PTK2: variants seen among roughly 807,000 people sequenced by gnomAD.
The protein encoded by PTK2 is focal adhesion kinase 1.
Under a neutral mutation model 150.1 loss-of-function variants are expected in PTK2, and 45 were observed. That is an observed-to-expected ratio of 0.30 (90% CI 0.24 to 0.38). PTK2 has a LOEUF of 0.38. PTK2 is among the 10% of genes least tolerant of loss of function. The pLI, the probability that PTK2 is intolerant of heterozygous loss-of-function variation, is 1.00. For synonymous variants in PTK2, 432 were observed against 449.2 expected (o/e 0.96, Z 0.48); for missense variants, 919 against 1,307.3 (o/e 0.70, Z 4.58).
chr8:140,750,670 C>T (rs1190591150), intron 17 of PTK2, among the ~76,000 whole-genome samples: 6 of 152,144 alleles, frequency 3.9e-5, no homozygotes, highest in African/African-American at 7.2e-5. Context: ...TTGATGTGGA[C>T]AAGATCCTTG....
At chr8:141,001,897 G>C (rs2100200338), upstream of PTK2, 1 of 152,250 alleles carries the variant, frequency 6.6e-6, no homozygotes, top group African/African-American at 2.4e-5. Context: ...GCCATTATTT[G>C]ATTTTGGAAG....
chr8:140,791,150 T>G (rs1452774439), intron 13 of PTK2, among the ~76,000 whole-genome samples: 3 of 152,182 alleles, frequency 2.0e-5, no homozygotes, highest in African/African-American at 7.2e-5. Context: ...CATACCTATG[T>G]TCATGATTCC....
At chr8:140,957,359 G>T (rs1258540854) in intron 1 of PTK2, among the ~76,000 whole-genome samples, 1 of 152,056 alleles carries the variant, frequency 6.6e-6, no homozygotes, top group South Asian at 2.1e-4. Context: ...GCCCGGGAAG[G>T]GGCTCACATT....
At chr8:140,672,072 T>A in intron 29 of PTK2, 1 of 417,334 alleles carries the variant, frequency 2.4e-6, no homozygotes. Flanking sequence ...TTCATAATGA[T>A]GTCAGAATTC....
intron 8 of PTK2, among the ~76,000 whole-genome samples, chr8:140,829,522 T>A (rs981349789): frequency 9.2e-5 from 14 of 152,230 alleles, no homozygotes; most frequent in African/African-American, 3.1e-4. Flanking sequence ...AAATGGATTT[T>A]ATCCCCATTT....
chr8:140,921,418 C>A (rs538139040), intron 2 of PTK2, among the ~76,000 whole-genome samples: 5 of 152,186 alleles, frequency 3.3e-5, no homozygotes, highest in Non-Finnish European at 7.4e-5. Flanking sequence ...CTGTAGATGG[C>A]TTCTCAAACC....
chr8:140,792,024 G>C (rs1467139348), intron 13 of PTK2, among the ~76,000 whole-genome samples: 2 of 152,276 alleles, frequency 1.3e-5, no homozygotes, highest in South Asian at 2.1e-4. Flanking sequence ...ACAGAGCACG[G>C]ACAGGCTAAG....
chr8:140,822,999 T>A (rs2100109711), intron 8 of PTK2, among the ~76,000 whole-genome samples: 1 of 152,178 alleles, frequency 6.6e-6, no homozygotes, highest in Non-Finnish European at 1.5e-5. Flanking sequence ...AATGTACAAA[T>A]GCTCTGAGTG....
chr8:140,783,858 C>G (rs924120315), intron 14 of PTK2, among the ~76,000 whole-genome samples: 3 of 152,098 alleles, frequency 2.0e-5, no homozygotes, highest in Non-Finnish European at 4.4e-5. Context: ...GCAACAAATA[C>G]TGAAAAAGTA....
At chr8:140,832,608 G>A (rs2100116123) in intron 7 of PTK2, among the ~76,000 whole-genome samples, 1 of 152,136 alleles carries the variant, frequency 6.6e-6, no homozygotes, top group South Asian at 2.1e-4. Flanking sequence ...TACTGCAGAG[G>A]GAGGCATGGC....
intron 23 of PTK2, among the ~76,000 whole-genome samples, chr8:140,715,887 C>T (rs2100039431): frequency 6.6e-6 from 1 of 152,068 alleles, no homozygotes; most frequent in Admixed American, 6.6e-5. Flanking sequence ...GCCCATGAAC[C>T]TAATTTGGAA....
intron 1 of PTK2, chr8:141,000,751 C>A: frequency 6.6e-6 from 1 of 150,648 alleles, no homozygotes; most frequent in African/African-American, 2.4e-5. Flanking sequence ...CTTGGCCTCC[C>A]CGCGCGCCCC....
intron 7 of PTK2, among the ~76,000 whole-genome samples, chr8:140,834,289 C>T (rs2100117344): frequency 1.3e-5 from 2 of 152,128 alleles, no homozygotes; most frequent in South Asian, 4.1e-4. Flanking sequence ...ACAGGGACAA[C>T]CACTCAAGGT....
intron 10 of PTK2, among the ~76,000 whole-genome samples, chr8:140,808,424 T>A (rs1198676294): frequency 6.6e-6 from 1 of 152,198 alleles, no homozygotes; most frequent in East Asian, 1.9e-4. Context: ...TTTCTTCTAC[T>A]TTATATAACT....
chr8:140,746,782 A>G, exon 18 of PTK2: 1 of 1,612,650 alleles, frequency 6.2e-7, no homozygotes, highest in Non-Finnish European at 8.5e-7. Context: ...GCACAGCTCC[A>G]TGATTATCCA....
intron 1 of PTK2, among the ~76,000 whole-genome samples, chr8:140,964,069 C>CCA (rs2100184349): frequency 6.6e-6 from 1 of 152,136 alleles, no homozygotes; most frequent in Admixed American, 6.6e-5. Flanking sequence ...TTCCCTTCCC[C>CCA]CACCCAGCTT....
intron 8 of PTK2, 127 bp from the exon 9 acceptor site, chr8:140,819,147 T>A: frequency 1.1e-6 from 1 of 905,592 alleles, no homozygotes. Context: ...TGCCAAAAAG[T>A]ATACTTGTCA....
intron 26 of PTK2, among the ~76,000 whole-genome samples, chr8:140,688,640 A>G (rs188889262): frequency 1.3e-5 from 2 of 152,242 alleles, no homozygotes; most frequent in Non-Finnish European, 2.9e-5. Context: ...CGATGGTTTG[A>G]GCCCAGGAGT....
At chr8:140,770,722 A>C in intron 14 of PTK2, 1 of 1,340,368 alleles carries the variant, frequency 7.5e-7, no homozygotes, top group Non-Finnish European at 9.9e-7. Flanking sequence ...GTACCCGTAG[A>C]AGGAGGATCA....
Sources: allele counts gnomAD v4.1 joint callset (sites outside exome capture counted in the v4.1 genomes callset), GRCh38; gene constraint gnomAD v4.1.1; transcripts MANE v1.5; gene names NCBI Gene and HGNC (gene_info 2026-07-23, HGNC 2026-07-21).